Variants in GALNTL6 observed in about 807,000 individuals in gnomAD.
GALNTL6 encodes the protein polypeptide N-acetylgalactosaminyltransferase like 6.
GALNTL6 carries 46 observed loss-of-function variants against 73.7 expected under a neutral mutation model. That is an observed-to-expected ratio of 0.62 (90% CI 0.49 to 0.80). The LOEUF (loss-of-function observed/expected upper bound fraction) is 0.80. Ranked by LOEUF, GALNTL6 falls within the 30% of genes least tolerant of loss-of-function variation. The pLI, the probability that GALNTL6 is intolerant of heterozygous loss-of-function variation, is 0.00. For missense variants in GALNTL6, 604 were observed against 755.0 expected (o/e 0.80, Z 2.34); for synonymous variants, 259 against 263.7 (o/e 0.98, Z 0.17).
intron 2 of GALNTL6, among the ~76,000 whole-genome samples, chr4:171,919,006 G>C (rs1229197663): frequency 6.6e-6 from 1 of 152,042 alleles, no homozygotes; most frequent in Non-Finnish European, 1.5e-5. Flanking sequence ...GAAAGTTACT[G>C]TACTAATCAA....
chr4:172,062,161 G>A (rs1052090248), intron 2 of GALNTL6, among the ~76,000 whole-genome samples: 18 of 151,096 alleles, frequency 1.2e-4, no homozygotes, highest in South Asian at 8.4e-4. Context: ...TTGCTATGTT[G>A]GCCAGGCTTG....
At chr4:172,153,474 T>A (rs1734159928) in intron 2 of GALNTL6, among the ~76,000 whole-genome samples, 1 of 152,234 alleles carries the variant, frequency 6.6e-6, no homozygotes, top group African/African-American at 2.4e-5. Context: ...TATTTGCAAC[T>A]TCTGTTTTGT....
intron 2 of GALNTL6, among the ~76,000 whole-genome samples, chr4:171,843,457 A>G (rs1735292637): frequency 6.6e-6 from 1 of 152,120 alleles, no homozygotes; most frequent in African/African-American, 2.4e-5. Flanking sequence ...CAATGGAACA[A>G]TACAGTAACT....
At chr4:172,703,175 A>T (rs959742253) in intron 5 of GALNTL6, among the ~76,000 whole-genome samples, 1 of 151,950 alleles carries the variant, frequency 6.6e-6, no homozygotes, top group Admixed American at 6.6e-5. Context: ...TCCAATTTAG[A>T]TGTTCCGTAT....
At chr4:171,874,474 G>A (rs28476171) in intron 2 of GALNTL6, among the ~76,000 whole-genome samples, 37,781 of 152,072 alleles carry the variant, frequency 0.25, 4,788 homozygotes, top group Middle Eastern at 0.31. Context: ...ACAGGCATGA[G>A]GGACTGCATC....
chr4:172,692,592 T>C (rs190098281), intron 5 of GALNTL6, among the ~76,000 whole-genome samples: 2 of 152,196 alleles, frequency 1.3e-5, no homozygotes, highest in Non-Finnish European at 2.9e-5. Context: ...GTTCAAATTA[T>C]TTTTTAAACA....
intron 5 of GALNTL6, among the ~76,000 whole-genome samples, chr4:172,691,697 C>T (rs1733308088): frequency 6.6e-6 from 1 of 152,190 alleles, no homozygotes; most frequent in South Asian, 2.1e-4. Flanking sequence ...CCACTTCTTC[C>T]TCTACATCTC....
At chr4:172,310,392 T>C (rs548712876) in intron 3 of GALNTL6, among the ~76,000 whole-genome samples, 55 of 152,140 alleles carry the variant, frequency 3.6e-4, no homozygotes, top group African/African-American at 1.3e-3. Flanking sequence ...TTCCTCAGCC[T>C]CCCCAGTAGC....
At chr4:172,406,871 C>G (rs1744256870) in intron 5 of GALNTL6, among the ~76,000 whole-genome samples, 1 of 151,904 alleles carries the variant, frequency 6.6e-6, no homozygotes, top group South Asian at 2.1e-4. Flanking sequence ...TTCAATAATT[C>G]AAGATGAGAA....
intron 5 of GALNTL6, among the ~76,000 whole-genome samples, chr4:172,599,688 T>G (rs1285535971): frequency 1.3e-5 from 2 of 152,154 alleles, no homozygotes; most frequent in Non-Finnish European, 2.9e-5. Flanking sequence ...ACTCTGCCGG[T>G]CTCAGAAGTG....
rs569255940 is a variant in GALNTL6 at position 172,756,251 on chromosome 4, A to C, written c.554-53110A>C. Among the ~76,000 whole-genome samples the C allele has an allele frequency of 1.3e-3, 202 of 152,374 alleles. 1 individual carries two copies. The highest frequency in any genetic ancestry group is 4.6e-3 in the African/African-American group (193 of 41,592). Reference sequence around the variant, plus strand: ...AAGTTCATGGTTTACCAAAAGTTCTAGTAGGTTTTAGTTGTTGAACCTTAA... The same window carrying C: ...AAGTTCATGGTTTACCAAAAGTTCTCGTAGGTTTTAGTTGTTGAACCTTAA... On this transcript the variant is annotated intron_variant, in intron 5 of 12. Coordinates refer to ENST00000506823, the MANE Select transcript of GALNTL6 (RefSeq NM_001034845.3).
intron 5 of GALNTL6, among the ~76,000 whole-genome samples, chr4:172,712,503 T>C (rs947332151): frequency 2.0e-5 from 3 of 152,180 alleles, no homozygotes; most frequent in African/African-American, 7.2e-5. Context: ...CCATTCTTTT[T>C]ACATTAAGGA....
intron 2 of GALNTL6, among the ~76,000 whole-genome samples, chr4:171,889,599 A>C (rs1736704230): frequency 6.6e-6 from 1 of 152,102 alleles, no homozygotes; most frequent in Admixed American, 6.6e-5. Context: ...CATACTGAAG[A>C]ATCACATTAT....
At chr4:171,927,024 G>T (rs1216095591) in intron 2 of GALNTL6, among the ~76,000 whole-genome samples, 2 of 151,124 alleles carry the variant, frequency 1.3e-5, no homozygotes, top group East Asian at 1.9e-4. Context: ...TAACCTATAC[G>T]TAATTTTTTT....
At chr4:172,041,943 T>C (rs59424471) in intron 2 of GALNTL6, among the ~76,000 whole-genome samples, 3,783 of 152,180 alleles carry the variant, frequency 0.025, 156 homozygotes, top group African/African-American at 0.086. Flanking sequence ...ATTCTTTCTC[T>C]TGGATTACTC....
chr4:172,669,978 C>G (rs1731883692), intron 5 of GALNTL6, among the ~76,000 whole-genome samples: 1 of 152,098 alleles, frequency 6.6e-6, no homozygotes, highest in Non-Finnish European at 1.5e-5. Flanking sequence ...CAGCTCTATC[C>G]ATGTCCCTCC....
At chr4:172,906,106 C>G (rs1204248587) in intron 8 of GALNTL6, among the ~76,000 whole-genome samples, 1 of 151,954 alleles carries the variant, frequency 6.6e-6, no homozygotes, top group Non-Finnish European at 1.5e-5. Context: ...CAGAACTTCC[C>G]CTGGATGAGT....
chr4:172,092,521 A>G (rs115829532), intron 2 of GALNTL6, among the ~76,000 whole-genome samples: 2,540 of 152,276 alleles, frequency 0.017, 62 homozygotes, highest in African/African-American at 0.055. Context: ...ATTTTGAAAT[A>G]TGATTTTGGG....
At chr4:171,925,213 T>C (rs1476889242) in intron 2 of GALNTL6, among the ~76,000 whole-genome samples, 1 of 152,122 alleles carries the variant, frequency 6.6e-6, no homozygotes, top group Non-Finnish European at 1.5e-5. Context: ...CCAGACAGGA[T>C]GCTCAAGAAC....
Sources: allele counts gnomAD v4.1 joint callset (sites outside exome capture counted in the v4.1 genomes callset), GRCh38; gene constraint gnomAD v4.1.1; transcripts MANE v1.5; gene names NCBI Gene and HGNC (gene_info 2026-07-23, HGNC 2026-07-21).